Variants in POT1 observed in about 807,000 individuals in gnomAD.
POT1 encodes protection of telomeres protein 1.
In POT1, 47 loss-of-function variants were observed where a neutral mutation model predicts 78.5. The ratio of observed to expected loss-of-function variants is 0.60; its 90% CI spans 0.47 to 0.76. POT1 has a LOEUF of 0.76. POT1 is among the 30% of genes least tolerant of loss of function. The pLI, the probability that POT1 is intolerant of heterozygous loss-of-function variation, is 0.00. For missense variants in POT1, 646 were observed against 749.9 expected, an observed-to-expected ratio of 0.86 and a Z score of 1.62; for synonymous variants, 259 against 260.7, an observed-to-expected ratio of 0.99 and a Z score of 0.06.
chr7:124,827,112 G>T, intron 17 of POT1, 102 bp downstream of exon 17: 1 of 515,620 alleles, frequency 1.9e-6, no homozygotes, highest in Non-Finnish European at 3.1e-6. Context: ...TTTTTAAGGT[G>T]CCTTAAGTCC....
intron 15 of POT1, among the ~76,000 whole-genome samples, chr7:124,834,575 A>G (rs140370901): frequency 6.6e-6 from 1 of 152,290 alleles, no homozygotes; most frequent in African/African-American, 2.4e-5. Flanking sequence ...AATGGCGATC[A>G]TTAAAAAGTC....
chr7:124,846,939 T>G lies in POT1; in HGVS notation c.1006+3A>C. 1 of 1,581,406 alleles carries G rather than the reference T, an allele frequency of 6.3e-7. No individual in the cohort carries two copies. The highest frequency in any genetic ancestry group is 1.7e-5 in the Admixed American group (1 of 59,960). On this transcript the variant is annotated splice_donor_region_variant and intron_variant, in intron 12 of 18. Transcript: ENST00000357628. ...CCATCTCAAAAATGATACATAGTCTTACTTGTAGCAGATAGCTGTTGACAT... is the reference window on the plus strand; with the variant it reads ...CCATCTCAAAAATGATACATAGTCTGACTTGTAGCAGATAGCTGTTGACAT...
Position 124,858,950 on chromosome 7 carries a change from A to C in POT1, c.702+7T>G, listed in dbSNP as rs746220059. 6.3e-7 allele frequency: 1 copy of C among 1,586,022 alleles called. No homozygotes were observed. ...ATAAAATAACATTTTTTCCTACTAT[A>C]CATCACCTTCAGAGATCTTGCCACA... On this transcript the variant is annotated splice_region_variant and intron_variant, in intron 9 of 18. Transcript: ENST00000357628.
intron 8 of POT1, among the ~76,000 whole-genome samples, chr7:124,862,970 G>A (rs1315311232): frequency 1.3e-5 from 2 of 152,006 alleles, no homozygotes; most frequent in Admixed American, 6.6e-5. Flanking sequence ...CAACATCAAC[G>A]GGACAAAAAA....
chr7:124,925,494 G>A (rs1011424502), intron 2 of POT1, among the ~76,000 whole-genome samples: 5 of 152,054 alleles, frequency 3.3e-5, no homozygotes, highest in Admixed American at 2.6e-4. Context: ...TCCCATGCTC[G>A]TGGATCAGAA....
intron 3 of POT1, among the ~76,000 whole-genome samples, chr7:124,902,799 A>T (rs1254185939): frequency 6.6e-6 from 1 of 152,124 alleles, no homozygotes; most frequent in Non-Finnish European, 1.5e-5. Flanking sequence ...TGCAGAGACA[A>T]ACATAGGCTC....
intron 15 of POT1, among the ~76,000 whole-genome samples, chr7:124,829,720 CTATATCTATATA>C (rs1287150384): frequency 4.6e-5 from 7 of 151,594 alleles, no homozygotes; most frequent in African/African-American, 1.5e-4. Flanking sequence ...ATATCTATAT[CTATATCTATATA>C]TATATATTTT....
intron 15 of POT1, among the ~76,000 whole-genome samples, chr7:124,834,510 T>C (rs977274440): frequency 6.6e-6 from 1 of 152,132 alleles, no homozygotes; most frequent in East Asian, 1.9e-4. Flanking sequence ...ATGTCACTGA[T>C]CATTAGAGAA....
chr7:124,907,319 T>C lies in POT1; in HGVS notation c.-154+8255A>G, dbSNP rs1003206322. Among the ~76,000 whole-genome samples the C allele has an allele frequency of 4.6e-5, 7 of 152,126 alleles. No homozygotes were observed. The South Asian group carries it at 1.0e-3, about 23-fold the overall frequency. ...TCATTAAACAATTCCCTGTTTAGTA[T>C]AGCCAAATAGAATATTTACTGCAAA... is the stretch of plus-strand genomic sequence containing the variant. On this transcript the variant is annotated intron_variant, in intron 3 of 18. Coordinates refer to ENST00000357628, the MANE Select transcript of POT1 (RefSeq NM_015450.3).
In POT1 at chr7:124,823,747, T is replaced by G; in HGVS notation, c.*215A>C. The G allele has an allele frequency of 2.0e-6, 1 of 507,454 alleles. No individual in the cohort carries two copies. Among genetic ancestry groups the G allele is most frequent in the Non-Finnish European group, 3.5e-6 (1 of 289,674 alleles). The allele number at this position is 507,454 out of a possible 1,614,324, so 31.4% of individuals were successfully genotyped here. A position where few individuals can be genotyped will look rare whatever the true frequency, so the allele number is the denominator to read the frequency against. ...CAGTACTTGTTTAAGCAGGTCTCTTTGTACAAAAGCAAAACAGAAAGCAAA... is the reference window on the plus strand; with the variant it reads ...CAGTACTTGTTTAAGCAGGTCTCTTGGTACAAAAGCAAAACAGAAAGCAAA... On this transcript the variant is annotated 3_prime_UTR_variant, in exon 19 of 19. Coordinates refer to ENST00000357628, the MANE Select transcript of POT1 (RefSeq NM_015450.3).
chr7:124,893,263 C>T (rs1352655275), intron 5 of POT1, among the ~76,000 whole-genome samples: 2 of 151,200 alleles, frequency 1.3e-5, no homozygotes, highest in Non-Finnish European at 3.0e-5. Flanking sequence ...TCTCTCTTCC[C>T]CTTACCCCCA....
chr7:124,875,635 A>T (rs964656496), intron 6 of POT1, among the ~76,000 whole-genome samples: 1 of 152,214 alleles, frequency 6.6e-6, no homozygotes, highest in African/African-American at 2.4e-5. Flanking sequence ...AAAATTGATC[A>T]CATAAGTGAA....
At chr7:124,916,655 A>C (rs1331457472) in intron 2 of POT1, among the ~76,000 whole-genome samples, 1 of 152,232 alleles carries the variant, frequency 6.6e-6, no homozygotes, top group Admixed American at 6.5e-5. Context: ...CAAGATACAA[A>C]TAAAATTTTT....
intron 9 of POT1, among the ~76,000 whole-genome samples, chr7:124,854,919 G>T (rs1251340131): frequency 6.6e-6 from 1 of 151,522 alleles, no homozygotes; most frequent in Non-Finnish European, 1.5e-5. Context: ...ATCTACAAAA[G>T]ATTTGAAAGA....
At chr7:124,896,913 G>C (rs1339834402) in intron 5 of POT1, among the ~76,000 whole-genome samples, 1 of 151,636 alleles carries the variant, frequency 6.6e-6, no homozygotes, top group African/African-American at 2.4e-5. Context: ...TCTTGTGTAT[G>C]TATAGCTTAC....
At chr7:124,883,932 T>C (rs1796182923) in intron 6 of POT1, among the ~76,000 whole-genome samples, 2 of 151,754 alleles carry the variant, frequency 1.3e-5, no homozygotes, top group Non-Finnish European at 2.9e-5. Context: ...CAATGAGTGA[T>C]TAATTACTCA....
At chr7:124,898,585 T>C (rs1284103242) in intron 3 of POT1, among the ~76,000 whole-genome samples, 1 of 151,930 alleles carries the variant, frequency 6.6e-6, no homozygotes, top group Non-Finnish European at 1.5e-5. Context: ...ACAGCTACAA[T>C]ATAGCCACAG....
chr7:124,842,996 C>A (rs754315443), intron 12 of POT1, 33 bp from the exon 13 acceptor site: 2 of 1,436,164 alleles, frequency 1.4e-6, no homozygotes, highest in South Asian at 2.8e-5. Context: ...ATCAGAATAA[C>A]AAGAATCATA....
chr7:124,854,438 G>A (rs1584766661), intron 9 of POT1, among the ~76,000 whole-genome samples: 1 of 150,870 alleles, frequency 6.6e-6, no homozygotes. Flanking sequence ...AAAAGGAAAC[G>A]TTTAAAAAAA....
Sources: gnomAD v4.1 joint callset for allele counts (sites outside exome capture counted in the v4.1 genomes callset) on GRCh38, gnomAD v4.1.1 for gene constraint, MANE v1.5 for transcripts, NCBI Gene and HGNC (gene_info 2026-07-23, HGNC 2026-07-21) for gene names.